The following KAT2B variants were observed in gnomAD, a reference collection of about 807,000 sequenced individuals.
KAT2B encodes lysine acetyltransferase 2B.
KAT2B carries 36 observed loss-of-function variants against 105.9 expected under a neutral mutation model. That is an observed-to-expected ratio of 0.34 (90% CI 0.26 to 0.45). The LOEUF (loss-of-function observed/expected upper bound fraction) is 0.45, where lower values mean the gene tolerates loss of function less well. Among genes scored for constraint, KAT2B ranks in the 20% least tolerant of loss-of-function variants. The probability of loss-of-function intolerance (pLI) is 1.00; values close to 1 mark genes in which losing one functional copy is unlikely to be tolerated. For missense variants in KAT2B, 820 were observed against 1,021.6 expected, an observed-to-expected ratio of 0.80 and a Z score of 2.69; for synonymous variants, 397 against 377.9, an observed-to-expected ratio of 1.05 and a Z score of -0.59.
chr3:20,090,059 C>T (rs941446491), intron 2 of KAT2B, among the ~76,000 whole-genome samples: 11 of 151,510 alleles, frequency 7.3e-5, no homozygotes, highest in African/African-American at 2.4e-4. Context: ...ATTTTGTATC[C>T]TGCAACTTTA....
intron 2 of KAT2B, among the ~76,000 whole-genome samples, chr3:20,086,828 C>CTGGAGTGCAGTGGCGCAGTCTCGGT (rs1698626496): frequency 2.0e-5 from 3 of 150,122 alleles, no homozygotes; most frequent in African/African-American, 7.4e-5. Flanking sequence ...GTCTCGCAGG[C>CTGGAGTGCAGTGGCGCAGTCTCGGT]TGGAGTGCAG....
intron 1 of KAT2B, among the ~76,000 whole-genome samples, chr3:20,046,939 T>A (rs1176643860): frequency 1.3e-5 from 2 of 152,072 alleles, no homozygotes; most frequent in Non-Finnish European, 2.9e-5. Flanking sequence ...CATCCCACAA[T>A]GCACAGGACA....
chr3:20,048,393 A>G (rs1209785771), intron 1 of KAT2B, among the ~76,000 whole-genome samples: 1 of 152,234 alleles, frequency 6.6e-6, no homozygotes, highest in African/African-American at 2.4e-5. Context: ...GTGCTTGGAA[A>G]TAGCGATTTG....
At chr3:20,089,561 C>T (rs569540763) in intron 2 of KAT2B, among the ~76,000 whole-genome samples, 23 of 151,954 alleles carry the variant, frequency 1.5e-4, no homozygotes, top group South Asian at 2.1e-4. Flanking sequence ...CCACCATGCC[C>T]GGCTAATTTT....
intron 11 of KAT2B, among the ~76,000 whole-genome samples, chr3:20,132,251 G>A (rs368172380): frequency 4.7e-4 from 71 of 152,264 alleles, no homozygotes; most frequent in African/African-American, 1.6e-3. Flanking sequence ...GTGCATGCCT[G>A]TAATCCCAGC....
intron 5 of KAT2B, among the ~76,000 whole-genome samples, chr3:20,104,914 T>G (rs1316243274): frequency 3.4e-5 from 5 of 148,636 alleles, no homozygotes; most frequent in Admixed American, 6.8e-5. Flanking sequence ...TGAGATGGAG[T>G]CTCACTCTGT....
intron 2 of KAT2B, among the ~76,000 whole-genome samples, chr3:20,094,409 A>G (rs1260047206): frequency 6.6e-6 from 1 of 152,152 alleles, no homozygotes; most frequent in Non-Finnish European, 1.5e-5. Flanking sequence ...TGGGGATTGC[A>G]ATTTGAGATG....
intron 5 of KAT2B, among the ~76,000 whole-genome samples, chr3:20,106,936 T>G (rs559204829): frequency 3.9e-5 from 5 of 127,506 alleles, no homozygotes; most frequent in Non-Finnish European, 8.0e-5. Context: ...TGAATAGATA[T>G]AAGAAATTAT....
intron 1 of KAT2B, among the ~76,000 whole-genome samples, chr3:20,045,210 G>A (rs545990412): frequency 6.6e-6 from 1 of 151,960 alleles, no homozygotes; most frequent in Non-Finnish European, 1.5e-5. Context: ...TAGAGATGGG[G>A]TTTCGCCATG....
chr3:20,127,472 A>G lies in KAT2B; in HGVS notation c.1672A>G (p.Ile558Val). The change falls in exon 11 of 18, where the codon ATC becomes GTC. Residue 558 changes from isoleucine to valine, a missense_variant. By Grantham distance (29) the Ile-to-Val change is conservative. Around this residue, in one of 6 missense-constraint regions of KAT2B, gnomAD observed 225 missense variants for 268.1 expected, o/e 0.84. Transcript: ENST00000263754. Reference protein sequence around the residue: ...LIKDGRVIGGICFRMFPSQGF... With the variant: ...LIKDGRVIGGVCFRMFPSQGF... ...TAAAGATGGCCGTGTTATTGGTGGT[A>G]TCTGTTTCCGTATGTTCCCATCTCA... 1.9e-6 allele frequency: 3 copies of G among 1,613,024 alleles called. No homozygotes were observed. The highest frequency in any genetic ancestry group is 2.2e-5 in the East Asian group (1 of 44,886).
At chr3:20,057,891 G>A (rs1280160074) in intron 1 of KAT2B, among the ~76,000 whole-genome samples, 2 of 152,146 alleles carry the variant, frequency 1.3e-5, no homozygotes, top group African/African-American at 2.4e-5. Flanking sequence ...TTTAGCAAAG[G>A]GAGGGCAGTT....
intron 2 of KAT2B, among the ~76,000 whole-genome samples, chr3:20,087,480 A>G (rs559562635): frequency 7.9e-5 from 12 of 152,328 alleles, no homozygotes; most frequent in African/African-American, 2.2e-4. Flanking sequence ...TAGCATATCT[A>G]TCACCTCACA....
intron 1 of KAT2B, among the ~76,000 whole-genome samples, chr3:20,061,347 A>T (rs1698096804): frequency 6.6e-6 from 1 of 152,148 alleles, no homozygotes; most frequent in Non-Finnish European, 1.5e-5. Context: ...TTGAATGTAT[A>T]TACTACGTTT....
At chr3:20,069,601 C>T (rs1371445087) in intron 1 of KAT2B, among the ~76,000 whole-genome samples, 2 of 150,960 alleles carry the variant, frequency 1.3e-5, no homozygotes, top group Non-Finnish European at 2.9e-5. Context: ...TCTCAGCTCA[C>T]GGCAACCTCT....
At chr3:20,090,747 A>C (rs1251751688) in intron 2 of KAT2B, among the ~76,000 whole-genome samples, 1 of 151,828 alleles carries the variant, frequency 6.6e-6, no homozygotes, top group Non-Finnish European at 1.5e-5. Context: ...AGTTTTTTGA[A>C]GTTTTTTTTT....
chr3:20,120,096 C>G (rs1699280544), intron 8 of KAT2B, among the ~76,000 whole-genome samples: 1 of 152,130 alleles, frequency 6.6e-6, no homozygotes, highest in African/African-American at 2.4e-5. Flanking sequence ...CATAATTTTC[C>G]TGGGACTATT....
At chr3:20,040,863 C>T in intron 1 of KAT2B, 83 bp downstream of exon 1, 5 of 1,391,980 alleles carry the variant, frequency 3.6e-6, no homozygotes, top group Non-Finnish European at 2.8e-6. Context: ...GCTTCCACCT[C>T]CGCCTCCCGC....
At chr3:20,071,613 G>A (rs2686322) in intron 1 of KAT2B, among the ~76,000 whole-genome samples, 62,878 of 152,030 alleles carry the variant, frequency 0.41, 13,318 homozygotes, top group South Asian at 0.5. Context: ...GCTACATCAT[G>A]TTCACTCTTG....
At chr3:20,066,489 C>G (rs550857426) in intron 1 of KAT2B, among the ~76,000 whole-genome samples, 6 of 152,104 alleles carry the variant, frequency 3.9e-5, no homozygotes, top group Non-Finnish European at 8.8e-5. Flanking sequence ...ACTTTGGCCT[C>G]CTGGGTTCAA....
Sources: gnomAD v4.1 joint callset for allele counts (sites outside exome capture counted in the v4.1 genomes callset) on GRCh38, gnomAD v4.1.1 for gene constraint, gnomAD v4.1.1 regional missense constraint, MANE v1.5 for transcripts, NCBI Gene and HGNC (gene_info 2026-07-23, HGNC 2026-07-21) for gene names.